HP1BP3: variants seen among roughly 807,000 people sequenced by gnomAD.
HP1BP3 encodes heterochromatin protein 1-binding protein 3.
In HP1BP3, 12 loss-of-function variants were observed where a neutral mutation model predicts 62.5. The observed-to-expected ratio is 0.19, with a 90% CI of 0.12 to 0.31. The LOEUF (loss-of-function observed/expected upper bound fraction) is 0.31, where lower values mean the gene tolerates loss of function less well. HP1BP3 is among the 10% of genes least tolerant of loss of function. The pLI, the probability that HP1BP3 is intolerant of heterozygous loss-of-function variation, is 1.00. For missense variants in HP1BP3, 502 were observed against 651.8 expected, an observed-to-expected ratio of 0.77 and a Z score of 2.50; for synonymous variants, 260 against 237.8, an observed-to-expected ratio of 1.09 and a Z score of -0.86.
intron 5 of HP1BP3, among the ~76,000 whole-genome samples, chr1:20,772,447 T>C (rs947971769): frequency 1.3e-5 from 2 of 152,236 alleles, no homozygotes; most frequent in Non-Finnish European, 2.9e-5. Context: ...AGAAAGGCTA[T>C]ACAAAGAACA....
chr1:20,757,017 T>C, intron 9 of HP1BP3, 149 bp downstream of exon 9: 1 of 488,734 alleles, frequency 2.0e-6, no homozygotes, highest in Non-Finnish European at 3.6e-6. Context: ...GACCTCAATG[T>C]TAATTTCTAA....
intron 8 of HP1BP3, among the ~76,000 whole-genome samples, chr1:20,759,456 T>C (rs1181123739): frequency 1.3e-5 from 2 of 152,236 alleles, no homozygotes; most frequent in Admixed American, 1.3e-4. Flanking sequence ...TCTATCCTTC[T>C]TTGTATATGT....
intron 8 of HP1BP3, among the ~76,000 whole-genome samples, chr1:20,764,511 GTTTT>G (rs908590315): frequency 2.1e-5 from 3 of 145,710 alleles, no homozygotes; most frequent in African/African-American, 5.0e-5. Flanking sequence ...AGCCAGCCTA[GTTTT>G]TTTTTTGTTT....
chr1:20,783,584 C>T (rs2057674307), intron 1 of HP1BP3, among the ~76,000 whole-genome samples: 1 of 151,188 alleles, frequency 6.6e-6, no homozygotes, highest in Non-Finnish European at 1.5e-5. Context: ...CTCTGCATTT[C>T]CTTAGTAAAA....
intron 11 of HP1BP3, among the ~76,000 whole-genome samples, chr1:20,747,234 G>T (rs964093108): frequency 6.6e-6 from 1 of 151,624 alleles, no homozygotes; most frequent in African/African-American, 2.4e-5. Context: ...AACAACACAG[G>T]TTGGCAACGC....
chr1:20,766,631 A>T (rs911393336), intron 7 of HP1BP3, among the ~76,000 whole-genome samples: 1 of 152,134 alleles, frequency 6.6e-6, no homozygotes, highest in Non-Finnish European at 1.5e-5. Context: ...TTTTGGGTCT[A>T]GTATTTGGTA....
At chr1:20,755,092 A>C (rs2056019398) in intron 9 of HP1BP3, among the ~76,000 whole-genome samples, 1 of 152,238 alleles carries the variant, frequency 6.6e-6, no homozygotes, top group Non-Finnish European at 1.5e-5. Context: ...CCTTTTAAAA[A>C]TGGGCAAAAG....
In HP1BP3 at chr1:20,775,938, T is replaced by C. The variant is rs745355162; in HGVS notation, c.350+659A>G. The stretch of plus-strand genomic sequence containing the variant: ...CCCATTGTTAAGCAATGCATGACTA[T>C]AGTTAAAAGCAATTTCTAACTGTTC... On this transcript the variant is annotated intron_variant, in intron 4 of 12. Coordinates refer to ENST00000438032, the MANE Select transcript of HP1BP3 (RefSeq NM_001372052.1). 12 of 1,507,744 alleles carry C rather than the reference T, an allele frequency of 8.0e-6. No individual in the cohort carries two copies. The East Asian group carries it at 1.0e-4, about 13-fold the overall frequency. The allele number at this position is 1,507,744 out of a possible 1,614,324, so 93.4% of individuals were successfully genotyped here. A position where few individuals can be genotyped will look rare whatever the true frequency, so the allele number is the denominator to read the frequency against.
chr1:20,749,659 C>T (rs991395734), intron 10 of HP1BP3, 64 bp downstream of exon 10: 4 of 1,491,888 alleles, frequency 2.7e-6, no homozygotes, highest in Non-Finnish European at 3.7e-6. Context: ...GTGCCTGGCC[C>T]TCCACGGTTT....
intron 1 of HP1BP3, among the ~76,000 whole-genome samples, chr1:20,784,374 G>C (rs911131226): frequency 5.3e-5 from 8 of 151,898 alleles, no homozygotes; most frequent in African/African-American, 1.9e-4. Flanking sequence ...TGGTTCATTT[G>C]CTGCATACCT....
intron 1 of HP1BP3, among the ~76,000 whole-genome samples, chr1:20,783,169 T>C (rs2057652498): frequency 1.3e-5 from 2 of 152,168 alleles, no homozygotes; most frequent in African/African-American, 4.8e-5. Context: ...GTAGTACTTA[T>C]GACTACATTC....
In HP1BP3 at chr1:20,744,174, T is replaced by C. The variant is rs1442159004; in HGVS notation, c.*623A>G. On this transcript the variant is annotated 3_prime_UTR_variant, in exon 13 of 13. Coordinates refer to ENST00000438032, the MANE Select transcript of HP1BP3 (RefSeq NM_001372052.1). ...GGGCCAGTGAAAAATACCTAGAAAT[T>C]GATCAATATGAAATGTAGCCCAAAG... 1 of 152,548 alleles carries C rather than the reference T, an allele frequency of 6.6e-6. No homozygotes were observed. The highest frequency in any genetic ancestry group is 1.5e-5 in the Non-Finnish European group (1 of 68,040). 9.4% of individuals were successfully genotyped at this position (152,548 alleles called of 1,614,324 possible). A position where few individuals can be genotyped will look rare whatever the true frequency, so the allele number is the denominator to read the frequency against.
chr1:20,770,178 G>C (rs1486861606), intron 6 of HP1BP3, among the ~76,000 whole-genome samples: 1 of 152,108 alleles, frequency 6.6e-6, no homozygotes, highest in African/African-American at 2.4e-5. Context: ...GGGTTTCTCT[G>C]ATACTCTTAA....
At chr1:20,767,158 CA>C (rs968859327) in intron 7 of HP1BP3, among the ~76,000 whole-genome samples, 4 of 151,596 alleles carry the variant, frequency 2.6e-5, no homozygotes, top group Non-Finnish European at 4.4e-5. Context: ...TCTCTACTAA[CA>C]AAAAAAATTA....
intron 7 of HP1BP3, among the ~76,000 whole-genome samples, chr1:20,766,837 G>A (rs2056809547): frequency 6.6e-6 from 1 of 152,162 alleles, no homozygotes; most frequent in South Asian, 2.1e-4. Flanking sequence ...CAGCTACTGG[G>A]GAGGCTGAGG....
intron 10 of HP1BP3, among the ~76,000 whole-genome samples, chr1:20,748,905 A>G (rs1276158121): frequency 6.6e-6 from 1 of 152,156 alleles, no homozygotes. Flanking sequence ...ACCCAGTCTC[A>G]CCAATCCACA....
At chr1:20,785,404 A>AT (rs1276732624) in intron 1 of HP1BP3, among the ~76,000 whole-genome samples, 5 of 152,228 alleles carry the variant, frequency 3.3e-5, no homozygotes, top group Non-Finnish European at 7.3e-5. Context: ...ACATTTTACC[A>AT]TAAAATATAT....
At chr1:20,783,601 G>T (rs547126631) in intron 1 of HP1BP3, among the ~76,000 whole-genome samples, 4 of 151,200 alleles carry the variant, frequency 2.6e-5, no homozygotes, top group African/African-American at 9.7e-5. Context: ...AAAAGCTGTA[G>T]AACTTCAAAG....
chr1:20,781,028 T>G (rs1389491964), intron 1 of HP1BP3, among the ~76,000 whole-genome samples: 1 of 152,168 alleles, frequency 6.6e-6, no homozygotes, highest in Non-Finnish European at 1.5e-5. Flanking sequence ...CTGAATAACA[T>G]GACATTCTAA....
Sources: gnomAD v4.1 joint callset for allele counts (sites outside exome capture counted in the v4.1 genomes callset) on GRCh38, gnomAD v4.1.1 for gene constraint, MANE v1.5 for transcripts, NCBI Gene and HGNC (gene_info 2026-07-23, HGNC 2026-07-21) for gene names.